DICER1: variants seen among roughly 807,000 people sequenced by gnomAD.
The protein encoded by DICER1 is dicer 1, ribonuclease III, also known as endoribonuclease Dicer.
DICER1 carries 43 observed loss-of-function variants against 194.1 expected under a neutral mutation model. That is an observed-to-expected ratio of 0.22 (90% CI 0.17 to 0.29). The LOEUF (loss-of-function observed/expected upper bound fraction) is 0.29, where lower values mean the gene tolerates loss of function less well. Ranked by LOEUF, DICER1 falls within the 10% of genes least tolerant of loss-of-function variation. The pLI is 1.00. For synonymous variants in DICER1, 832 were observed against 820.5 expected (o/e 1.01, Z -0.24); for missense variants, 1,608 against 2,317.0 (o/e 0.69, Z 6.28).
chr14:95,128,317 C>G (rs114760358), intron 6 of DICER1, among the ~76,000 whole-genome samples: 1 of 152,298 alleles, frequency 6.6e-6, no homozygotes, highest in African/African-American at 2.4e-5. Flanking sequence ...TTTACTTAAA[C>G]GCTCTACTAC....
chr14:95,149,281 A>C (rs1895353252), intron 1 of DICER1, among the ~76,000 whole-genome samples: 1 of 152,242 alleles, frequency 6.6e-6, no homozygotes, highest in Non-Finnish European at 1.5e-5. Context: ...CTACTGAGTT[A>C]AGATGGATGT....
At chr14:95,113,340 T>C (rs1892152947) in intron 11 of DICER1, 116 bp from the exon 12 acceptor site, 4 of 1,037,628 alleles carry the variant, frequency 3.9e-6, no homozygotes, top group Admixed American at 3.9e-5. Context: ...TGTATTTATA[T>C]GTGGCATTTA....
Position 95,114,325 on chromosome 14 carries a change from C to T in DICER1, c.1908-1101G>A, listed in dbSNP as rs572423585. ...AAAGAAACCAGCTTTAAGGGGTTCC[C>T]ACTGGCCAAATATGAAACAATTTTA... On this transcript the variant is annotated intron_variant, in intron 11 of 26. Transcript: ENST00000343455. Among the ~76,000 whole-genome samples, 4 of 152,244 alleles carry T rather than the reference C, an allele frequency of 2.6e-5. No individual in the cohort carries two copies. In the South Asian group the frequency reaches 6.2e-4, roughly 24 times the overall value.
Position 95,096,416 on chromosome 14 carries a change from C to A in DICER1, c.4504G>T (p.Asp1502Tyr). ...MPFSSDFEDFDYSSWDAMCYL... is the reference protein window; with the variant it reads ...MPFSSDFEDFYYSSWDAMCYL... ...CACATTGCATCCCAAGAGCTGTAGT[C>A]AAAATCCTCAAAATCTGATGAAAAT... is the stretch of plus-strand genomic sequence containing the variant. The change falls in exon 23 of 27, where the codon GAC (aspartate) becomes TAC (tyrosine). Residue 1502 changes from aspartate (D) to tyrosine (Y), a missense_variant. Physicochemically the swap from Asp to Tyr is radical, Grantham distance 160. This residue lies in a region of DICER1 where 164 missense variants were observed against 183.7 expected (regional missense o/e 0.89). Coordinates refer to ENST00000343455, the MANE Select transcript of DICER1 (RefSeq NM_177438.3). 6.2e-7 allele frequency: 1 copy of A among 1,614,198 alleles called. No individual in the cohort carries two copies. The highest frequency in any genetic ancestry group is 1.1e-5 in the South Asian group (1 of 91,078).
chr14:95,096,723 G>A lies in DICER1; in HGVS notation c.4207-10C>T. The A allele has an allele frequency of 1.3e-6, 2 of 1,592,402 alleles. No individual in the cohort carries two copies. Among genetic ancestry groups the A allele is most frequent in the Non-Finnish European group, 8.6e-7 (1 of 1,168,632 alleles). ...GCATGCAGTCTTTTGTCTGAAACGA[G>A]GGGGAATGGGGAAGGAGGGGAAACA... On this transcript the variant is annotated splice_polypyrimidine_tract_variant and intron_variant, in intron 22 of 26. Transcript: ENST00000343455.
rs763714825 is a variant in DICER1 at position 95,112,126 on chromosome 14, G to C, written c.2116+46C>G. On this transcript the variant is annotated intron_variant, in intron 13 of 26. Coordinates refer to ENST00000343455, the MANE Select transcript of DICER1 (RefSeq NM_177438.3). ...CCTCTATATGCTTTTTTTTTACAAT[G>C]GTTGCAATTTATTTTCATTCGTATA... 2.6e-6 allele frequency: 4 copies of C among 1,511,856 alleles called. No homozygotes were observed. In the East Asian group the frequency reaches 9.0e-5, roughly 34 times the overall value. The allele number at this position is 1,511,856 out of a possible 1,614,324, so 93.7% of individuals were successfully genotyped here. A position where few individuals can be genotyped will look rare whatever the true frequency, so the allele number is the denominator to read the frequency against.
At chr14:95,138,675 G>C (rs569878492) in intron 1 of DICER1, among the ~76,000 whole-genome samples, 2 of 151,782 alleles carry the variant, frequency 1.3e-5, no homozygotes, top group African/African-American at 4.8e-5. Context: ...GTAACCTTAC[G>C]TTCAGATTAT....
chr14:95,122,921 TGCGCGTGCGTGTACGCGCGCGCGC>T (rs1364040444), intron 8 of DICER1, among the ~76,000 whole-genome samples: 1 of 151,102 alleles, frequency 6.6e-6, no homozygotes, highest in Non-Finnish European at 1.5e-5. Context: ...TAAGCGCGTG[TGCGCGTGCGTGTACGCGCGCGCGC>T]GCGCACACAC....
At chr14:95,115,540 A>G in intron 11 of DICER1, 127 bp downstream of exon 11, 1 of 1,042,110 alleles carries the variant, frequency 9.6e-7, no homozygotes, top group East Asian at 2.4e-5. Context: ...ACTTTTCTTT[A>G]TCGAAAATAT....
intron 1 of DICER1, among the ~76,000 whole-genome samples, chr14:95,137,450 G>C (rs1047808859): frequency 7.8e-6 from 1 of 128,266 alleles, no homozygotes; most frequent in South Asian, 2.9e-4. Flanking sequence ...AGGGGAAGAG[G>C]AAAGGGAAAG....
At position 95,115,682 on chromosome 14, in the gene DICER1, A is replaced by G; in HGVS notation, c.1892T>C (p.Ile631Thr). 1.2e-6 allele frequency: 2 copies of G among 1,614,134 alleles called. No homozygotes were observed. The highest frequency in any genetic ancestry group is 1.7e-6 in the Non-Finnish European group (2 of 1,179,998). Residue 631 changes from isoleucine (I) to threonine (T), a missense_variant, in exon 11 of 27, where the codon ATT becomes ACT. Ile to Thr is a moderately conservative substitution (Grantham distance 89). Around this residue, in one of 10 missense-constraint regions of DICER1, gnomAD observed 657 missense variants for 910.1 expected, o/e 0.72. Coordinates refer to ENST00000343455, the MANE Select transcript of DICER1 (RefSeq NM_177438.3). ...GATGCCATACCTATTGATGTGTCCA[A>G]TGGCCGTGTTGATTGTGACTCGTGG... ...GGPRVTINTAIGHINRYCARL... is the reference protein window; with the variant it reads ...GGPRVTINTATGHINRYCARL...
intron 1 of DICER1, among the ~76,000 whole-genome samples, chr14:95,149,970 T>G (rs774104985): frequency 1.3e-5 from 2 of 152,254 alleles, no homozygotes; most frequent in Non-Finnish European, 2.9e-5. Flanking sequence ...TATCAGTTAG[T>G]GCAATGATAA....
Position 95,106,173 on chromosome 14 carries a change from G to A in DICER1, c.2855C>T (p.Thr952Ile). Reference sequence around the variant, plus strand: ...AAATTTACTGAGTGGGGTAAGATCAGTGTACACATCAGCTACATAAAATCG... The same window carrying A: ...AAATTTACTGAGTGGGGTAAGATCAATGTACACATCAGCTACATAAAATCG... The part of the protein sequence containing the change: ...PHRFYVADVY[T>I]DLTPLSKFPS... The change falls in exon 18 of 27, where the codon ACT (threonine) becomes ATT (isoleucine). Residue 952 changes from threonine (T) to isoleucine (I), a missense_variant. Physicochemically the swap from Thr to Ile is moderately conservative, Grantham distance 89. This residue lies in a region of DICER1 where 150 missense variants were observed against 216.0 expected (regional missense o/e 0.69). Coordinates refer to ENST00000343455, the MANE Select transcript of DICER1 (RefSeq NM_177438.3). 6.2e-7 allele frequency: 1 copy of A among 1,614,098 alleles called. No individual in the cohort carries two copies. Among genetic ancestry groups the A allele is most frequent in the Non-Finnish European group, 8.5e-7 (1 of 1,179,950 alleles).
chr14:95,112,937 TA>T (rs1263679936), intron 12 of DICER1, among the ~76,000 whole-genome samples, 154 bp downstream of exon 12: 2 of 152,164 alleles, frequency 1.3e-5, no homozygotes, highest in Non-Finnish European at 2.9e-5. Flanking sequence ...ATTTGGTTTT[TA>T]TTTTTATTTT....
chr14:95,128,567 C>A (rs768200442), intron 6 of DICER1, among the ~76,000 whole-genome samples: 2 of 152,214 alleles, frequency 1.3e-5, no homozygotes, highest in Non-Finnish European at 2.9e-5. Flanking sequence ...CAAATTCTTA[C>A]TAAATGCCAG....
At chr14:95,095,700 C>A in intron 23 of DICER1, 125 bp downstream of exon 23, 2 of 1,029,944 alleles carry the variant, frequency 1.9e-6, no homozygotes, top group South Asian at 2.7e-5. Flanking sequence ...TTGTTCCCCG[C>A]CCCATCCCTT....
At chr14:95,146,518 T>G (rs1316586627) in intron 1 of DICER1, among the ~76,000 whole-genome samples, 1 of 152,240 alleles carries the variant, frequency 6.6e-6, no homozygotes, top group African/African-American at 2.4e-5. Context: ...CCCTTTCTGC[T>G]GAGAACTGTT....
Position 95,129,865 on chromosome 14 carries a change from T to C in DICER1, c.573+193A>G, listed in dbSNP as rs555145529. Among the ~76,000 whole-genome samples the C allele has an allele frequency of 3.3e-4, 50 of 152,344 alleles. 1 individual carries two copies. Among genetic ancestry groups the C allele is most frequent in the Non-Finnish European group, 1.8e-4 (12 of 68,030 alleles). On this transcript the variant is annotated intron_variant, in intron 5 of 26. Coordinates refer to ENST00000343455, the MANE Select transcript of DICER1 (RefSeq NM_177438.3). ...AATTAGATACACTATGAAAATTATA[T>C]AGAATTTATTATGATGTTTAAAAGT...
rs1200349881 is a variant in DICER1 at position 95,108,384 on chromosome 14, G to C, written c.2376C>G (p.Leu792=). 6.2e-7 allele frequency: 1 copy of C among 1,614,050 alleles called. No individual in the cohort carries two copies. The stretch of plus-strand genomic sequence containing the variant: ...ATCTTGTGGTATCTTCAGGAGGATA[G>C]AGCTTCCGCCTTCTAAAGTTGAGTT... ...PDELNFRRRK[L]YPPEDTTRCF... Residue 792 remains leucine, a synonymous_variant, in exon 15 of 27, where the codon CTC becomes CTG. Coordinates refer to ENST00000343455, the MANE Select transcript of DICER1 (RefSeq NM_177438.3).
Sources: allele counts gnomAD v4.1 joint callset (sites outside exome capture counted in the v4.1 genomes callset), GRCh38; gene constraint gnomAD v4.1.1; regional missense constraint gnomAD v4.1.1; transcripts MANE v1.5; gene names NCBI Gene and HGNC (gene_info 2026-07-23, HGNC 2026-07-21).